Variants in ROBO2 observed in about 807,000 individuals in gnomAD.
ROBO2 encodes the protein roundabout guidance receptor 2, also known as roundabout homolog 2.
Under a neutral mutation model 160.8 loss-of-function variants are expected in ROBO2, and 53 were observed. That is an observed-to-expected ratio of 0.33 (90% confidence interval 0.26 to 0.41). The LOEUF (loss-of-function observed/expected upper bound fraction) is 0.41, where lower values mean the gene tolerates loss of function less well. Ranked by LOEUF, ROBO2 falls within the 10% of genes least tolerant of loss-of-function variation. ROBO2 has a pLI of 1.00. For synonymous variants in ROBO2, 664 were observed against 611.7 expected (o/e 1.09, Z -1.26); for missense variants, 1,577 against 1,722.4 (o/e 0.92, Z 1.49).
At chr3:76,483,368 T>C (rs1280800571) in intron 2 of ROBO2, among the ~76,000 whole-genome samples, 1 of 152,036 alleles carries the variant, frequency 6.6e-6, no homozygotes. Context: ...GCAGGTTTGT[T>C]ACCTTGGTAT....
At chr3:75,959,080 A>T (rs1392740777) in intron 2 of ROBO2, among the ~76,000 whole-genome samples, 1 of 151,822 alleles carries the variant, frequency 6.6e-6, no homozygotes, top group Non-Finnish European at 1.5e-5. Context: ...TTATGATGAC[A>T]TAAGTATTTT....
chr3:76,999,453 T>G (rs532841525), intron 2 of ROBO2, among the ~76,000 whole-genome samples: 1 of 152,298 alleles, frequency 6.6e-6, no homozygotes, highest in South Asian at 2.1e-4. Flanking sequence ...ATTTACACTG[T>G]TTTTTGAACC....
chr3:77,175,216 G>A (rs1389398691), intron 2 of ROBO2, among the ~76,000 whole-genome samples: 1 of 152,038 alleles, frequency 6.6e-6, no homozygotes, highest in Non-Finnish European at 1.5e-5. Context: ...GTTGGCTCCA[G>A]GTTCTGTGCC....
chr3:77,037,857 T>C (rs765985265), upstream of ROBO2, among the ~76,000 whole-genome samples: 2 of 152,216 alleles, frequency 1.3e-5, no homozygotes, highest in Non-Finnish European at 2.9e-5. Flanking sequence ...TATAAGTCTA[T>C]ATGATGTGTT....
rs375380971 is a variant in ROBO2 at position 77,595,176 on chromosome 3, C to G, written c.2718C>G (p.Ser906Arg). Residue 906 changes from serine (S) to arginine (R), a missense_variant, in exon 18 of 26, where the codon AGC becomes AGG. Ser to Arg is a moderately radical substitution (Grantham distance 110, BLOSUM62 -1). Transcript: ENST00000461745. ...AAAGAGGAGATGGAGGACTAATGAG[C>G]AATGGAAGGTATGCTACGGAGATTG... 7.5e-5 allele frequency: 121 copies of G among 1,610,286 alleles called. 1 individual carries two copies. The highest frequency in any genetic ancestry group is 3.9e-5 in the Non-Finnish European group (46 of 1,177,096).
chr3:76,678,127 C>T lies in ROBO2; in HGVS notation c.110-419887C>T, dbSNP rs540117412. ...CTGGGATTACAGGCACACACCACCA[C>T]GCCCGGCTAATTTTTGTACTTTTAG... On this transcript the variant is annotated intron_variant, in intron 2 of 26. Coordinates refer to the ROBO2 transcript ENST00000487694. Among the ~76,000 whole-genome samples, 536 of 151,600 alleles carry T rather than the reference C, an allele frequency of 3.5e-3. 3 individuals carry two copies. The highest frequency in any genetic ancestry group is 0.012 in the African/African-American group (508 of 41,386).
At chr3:76,153,580 T>C (rs2072288739) in intron 2 of ROBO2, among the ~76,000 whole-genome samples, 1 of 152,164 alleles carries the variant, frequency 6.6e-6, no homozygotes, top group South Asian at 2.1e-4. Context: ...CATATTCAAA[T>C]ATCTTCTTTG....
chr3:76,217,929 C>A (rs1703673731), intron 2 of ROBO2, among the ~76,000 whole-genome samples: 1 of 152,140 alleles, frequency 6.6e-6, no homozygotes, highest in African/African-American at 2.4e-5. Context: ...TTCTGGCAAA[C>A]CGAATCCAGC....
chr3:76,273,304 T>C (rs1363863863), intron 2 of ROBO2, among the ~76,000 whole-genome samples: 2 of 151,024 alleles, frequency 1.3e-5, no homozygotes, highest in East Asian at 3.9e-4. Flanking sequence ...GAGGCAATTA[T>C]GCTTAGAATA....
chr3:77,562,858 T>C, intron 10 of ROBO2, 126 bp downstream of exon 11: 4 of 767,086 alleles, frequency 5.2e-6, no homozygotes, highest in Non-Finnish European at 9.2e-6. Flanking sequence ...TTACATTCAA[T>C]GCCATTTTTT....
At chr3:77,292,043 G>C (rs572805555) in intron 2 of ROBO2, among the ~76,000 whole-genome samples, 3 of 151,106 alleles carry the variant, frequency 2.0e-5, no homozygotes, top group Non-Finnish European at 4.4e-5. Context: ...AAAATTGACG[G>C]CTTAACGGGT....
intron 2 of ROBO2, among the ~76,000 whole-genome samples, chr3:77,246,117 T>C (rs1333598564): frequency 2.6e-5 from 4 of 152,172 alleles, no homozygotes; most frequent in Admixed American, 6.5e-5. Context: ...AATCAATAAT[T>C]TGTAGCTAGA....
intron 2 of ROBO2, among the ~76,000 whole-genome samples, chr3:76,236,094 T>G (rs909202145): frequency 1.2e-4 from 18 of 152,248 alleles, no homozygotes; most frequent in African/African-American, 4.1e-4. Flanking sequence ...TCAGTTATGT[T>G]TTTTTGTTCT....
At chr3:77,532,391 G>C (rs1234503178) in intron 6 of ROBO2, among the ~76,000 whole-genome samples, 1 of 151,920 alleles carries the variant, frequency 6.6e-6, no homozygotes, top group Non-Finnish European at 1.5e-5. Flanking sequence ...GTTATATCTT[G>C]GTAATGATCA....
intron 2 of ROBO2, among the ~76,000 whole-genome samples, chr3:76,511,609 G>A (rs1039381785): frequency 3.9e-5 from 6 of 152,276 alleles, no homozygotes; most frequent in Admixed American, 3.9e-4. Context: ...GAGTGTGGGA[G>A]GTTTTCAAAA....
chr3:77,257,944 T>C (rs2058527866), intron 2 of ROBO2, among the ~76,000 whole-genome samples: 1 of 152,250 alleles, frequency 6.6e-6, no homozygotes, highest in South Asian at 2.1e-4. Context: ...TGCTTTGTTA[T>C]AATGCCATTT....
rs2094161814 is a variant in ROBO2, at chr3:77,590,779, G to GTTAGTAAA, written c.2683+1846_2683+1847insTTAGTAAA. The stretch of plus-strand genomic sequence containing the variant: ...TTATACTGTTAGTAAAATTACACCA[G>GTTAGTAAA]AGAGACTTTTCTTCTTTTTTTTAAC... On this transcript the variant is annotated intron_variant, in intron 17 of 25. Coordinates refer to ENST00000461745, the Ensembl canonical transcript of ROBO2. 1.3e-5 allele frequency among the ~76,000 whole-genome samples: 2 copies of GTTAGTAAA among 152,108 alleles called. 1 individual carries two copies.
intron 1 of ROBO2, among the ~76,000 whole-genome samples, chr3:75,932,133 C>T (rs1429912999): frequency 1.3e-5 from 2 of 152,086 alleles, no homozygotes; most frequent in Non-Finnish European, 2.9e-5. Flanking sequence ...TGGTTTTACT[C>T]ACTTCAAGAA....
chr3:76,586,895 G>A (rs1192587681), intron 2 of ROBO2, among the ~76,000 whole-genome samples: 2 of 152,238 alleles, frequency 1.3e-5, no homozygotes, highest in African/African-American at 4.8e-5. Context: ...CAGCCAGGAA[G>A]ATCAACTCAG....
Sources: gnomAD v4.1 joint callset for allele counts (sites outside exome capture counted in the v4.1 genomes callset) on GRCh38, gnomAD v4.1.1 for gene constraint, MANE v1.5 for transcripts, NCBI Gene and HGNC (gene_info 2026-07-23, HGNC 2026-07-21) for gene names.